RTTN: variants seen among roughly 807,000 people sequenced by gnomAD.
The protein encoded by RTTN is rotatin.
A neutral mutation model predicts 269.2 loss-of-function variants in RTTN; 182 were observed. That is an observed-to-expected ratio of 0.68 (90% CI 0.60 to 0.76). The LOEUF is 0.76. Among genes scored for constraint, RTTN ranks in the 30% least tolerant of loss-of-function variants. The pLI is 0.00. For missense variants in RTTN, 2,545 were observed against 2,608.6 expected (o/e 0.98, Z 0.53); for synonymous variants, 1,006 against 963.5 (o/e 1.04, Z -0.82).
intron 10 of RTTN, among the ~76,000 whole-genome samples, chr18:70,184,332 T>A (rs1022965046): frequency 2.6e-5 from 4 of 152,108 alleles, no homozygotes; most frequent in Non-Finnish European, 2.9e-5. Context: ...GGCAGGCAGA[T>A]CACCTGAGGT....
At chr18:70,090,421 GTCTC>G (rs10570418) in intron 30 of RTTN, among the ~76,000 whole-genome samples, 55 of 152,044 alleles carry the variant, frequency 3.6e-4, no homozygotes, top group African/African-American at 1.2e-3. Flanking sequence ...CATAAATGTG[GTCTC>G]TCTCTCAAAA....
At chr18:70,200,095 T>C (rs889561512) in intron 4 of RTTN, among the ~76,000 whole-genome samples, 1 of 152,202 alleles carries the variant, frequency 6.6e-6, no homozygotes, top group African/African-American at 2.4e-5. Context: ...TCTTATATAG[T>C]ACAAGTTAAG....
At chr18:70,053,597 A>G (rs1339883039) in intron 38 of RTTN, 1 of 152,226 alleles carries the variant, frequency 6.6e-6, no homozygotes, top group African/African-American at 2.4e-5. Context: ...ATTATAAATG[A>G]TTGTTTTCAT....
chr18:70,069,540 A>G (rs2058239900), intron 34 of RTTN, among the ~76,000 whole-genome samples: 1 of 152,230 alleles, frequency 6.6e-6, no homozygotes, highest in Middle Eastern at 3.2e-3. Context: ...GTCATTTGCC[A>G]TATCCAAGTA....
intron 12 of RTTN, 105 bp downstream of exon 12, chr18:70,168,750 C>G (rs2061057322): frequency 1.2e-6 from 1 of 809,484 alleles, no homozygotes; most frequent in Non-Finnish European, 2.0e-6. Flanking sequence ...ATAATGTATC[C>G]CACCTGTGAC....
chr18:70,143,945 G>A (rs1003480227), intron 18 of RTTN, among the ~76,000 whole-genome samples: 11 of 151,358 alleles, frequency 7.3e-5, no homozygotes, highest in South Asian at 2.1e-4. Flanking sequence ...CTGCAGACTC[G>A]ACTTCCTGGG....
chr18:70,030,599 G>A (rs908461733), intron 41 of RTTN, among the ~76,000 whole-genome samples: 2 of 152,104 alleles, frequency 1.3e-5, no homozygotes, highest in Non-Finnish European at 2.9e-5. Context: ...GAAACTCAAT[G>A]TGTTACCTTT....
intron 33 of RTTN, 47 bp from the exon 34 acceptor site, chr18:70,074,041 G>GT: frequency 7.8e-7 from 1 of 1,283,196 alleles, no homozygotes; most frequent in Middle Eastern, 1.9e-4. Context: ...CCTAGGAACT[G>GT]TAACAATTAA....
At chr18:70,189,097 C>A (rs1183612185) in intron 9 of RTTN, among the ~76,000 whole-genome samples, 13 of 152,102 alleles carry the variant, frequency 8.5e-5, no homozygotes, top group Non-Finnish European at 1.6e-4. Context: ...CTTTTTAAAG[C>A]AAATTAAGGA....
intron 26 of RTTN, among the ~76,000 whole-genome samples, chr18:70,118,482 T>A (rs533780125): frequency 6.6e-6 from 1 of 152,210 alleles, no homozygotes; most frequent in African/African-American, 2.4e-5. Flanking sequence ...AAGACCTGAT[T>A]GATGGCTTCA....
At chr18:70,024,086 T>A (rs2056783228) in intron 44 of RTTN, among the ~76,000 whole-genome samples, 1 of 152,116 alleles carries the variant, frequency 6.6e-6, no homozygotes, top group African/African-American at 2.4e-5. Flanking sequence ...CCCAGCCTAA[T>A]CCTTCTTAAA....
At chr18:70,047,399 T>C (rs1442723540) in intron 40 of RTTN, among the ~76,000 whole-genome samples, 2 of 152,226 alleles carry the variant, frequency 1.3e-5, no homozygotes, top group African/African-American at 4.8e-5. Flanking sequence ...AATACTTTAG[T>C]GATTTTAGAA....
Position 70,005,375 on chromosome 18 carries a change from T to A in RTTN, c.6526-108A>T, listed in dbSNP as rs184372197. ...CAGTATTAAACAGAATATTATGAAA[T>A]ATAATAATATAACTAGAGAGTTCCA... On this transcript the variant is annotated intron_variant, in intron 47 of 48. Transcript: ENST00000640769. 2.2e-4 allele frequency: 143 copies of A among 635,632 alleles called. 1 individual carries two copies. Among genetic ancestry groups the A allele is most frequent in the Non-Finnish European group, 3.3e-4 (125 of 379,920 alleles). The allele number at this position is 635,632 out of a possible 1,614,324, so 39.4% of individuals were successfully genotyped here.
chr18:70,134,675 G>A (rs2060079821), intron 22 of RTTN, 134 bp from the exon 23 acceptor site: 3 of 590,736 alleles, frequency 5.1e-6, no homozygotes, highest in Admixed American at 3.6e-5. Flanking sequence ...ATTTAGTATA[G>A]AAACAACATG....
chr18:70,150,435 C>T (rs576204736), intron 15 of RTTN, among the ~76,000 whole-genome samples, 173 bp downstream of exon 15: 3 of 152,280 alleles, frequency 2.0e-5, no homozygotes, highest in African/African-American at 7.2e-5. Flanking sequence ...TTTATTCCCA[C>T]ATTTTATGTA....
chr18:70,166,995 C>G lies in RTTN; in HGVS notation c.1726G>C (p.Asp576His). Residue 576 changes from aspartate (D) to histidine (H), a missense_variant, in exon 13 of 49, where the codon GAC becomes CAC. By Grantham distance (81) the Asp-to-His change is moderately conservative. Transcript: ENST00000640769. ...KNLLELVELA[D>H]QALRSFSYHQ... ...TAGGAAAAGCTACGCAAGGCTTGGT[C>G]TGCCAGCTCCACTAATTCTAAGAGA... The G allele has an allele frequency of 1.9e-6, 3 of 1,613,622 alleles. No homozygotes were observed. The highest frequency in any genetic ancestry group is 2.5e-6 in the Non-Finnish European group (3 of 1,179,666).
chr18:70,205,140 G>A lies in RTTN; in HGVS notation c.207C>T (p.Ser69=). ...PMKEEVLNLL[S]RLVKYPPAVQ... ...AAAATGACCCTACCTTAACCAATCT[G>A]CTTAACAGGTTCAGAACCTCTTCCT... Residue 69 remains serine, a synonymous_variant, in exon 2 of 49, where the codon AGC becomes AGT. Coordinates refer to ENST00000640769, the MANE Select transcript of RTTN (RefSeq NM_173630.4). The A allele has an allele frequency of 6.2e-7, 1 of 1,614,134 alleles. No homozygotes were observed. The highest frequency in any genetic ancestry group is 8.5e-7 in the Non-Finnish European group (1 of 1,179,988).
At chr18:70,020,197 C>CT (rs2056661593) in intron 45 of RTTN, among the ~76,000 whole-genome samples, 1 of 152,126 alleles carries the variant, frequency 6.6e-6, no homozygotes, top group Non-Finnish European at 1.5e-5. Context: ...GAAGTTAAGT[C>CT]TAACTGGGGG....
At chr18:70,188,374 AT>A (rs2146077352) in intron 9 of RTTN, 151 bp from the exon 10 acceptor site, 1 of 579,942 alleles carries the variant, frequency 1.7e-6, no homozygotes, top group African/African-American at 1.9e-5. Context: ...AGAAATCACA[AT>A]TTACAATCAC....
Sources: gnomAD v4.1 joint callset for allele counts (sites outside exome capture counted in the v4.1 genomes callset) on GRCh38, gnomAD v4.1.1 for gene constraint, MANE v1.5 for transcripts, NCBI Gene and HGNC (gene_info 2026-07-23, HGNC 2026-07-21) for gene names.